The following DHRSX variants were observed in gnomAD, a reference collection of about 807,000 sequenced individuals.
DHRSX encodes the protein polyprenol dehydrogenase.
Under a neutral mutation model 34.0 loss-of-function variants are expected in DHRSX, and 31 were observed. The ratio of observed to expected loss-of-function variants is 0.91; its 90% confidence interval spans 0.69 to 1.23. The LOEUF (loss-of-function observed/expected upper bound fraction) is 1.23. Ranked by LOEUF, DHRSX falls within the 50% of genes most tolerant of loss-of-function variation. DHRSX has a pLI of 0.00. For synonymous variants in DHRSX, 201 were observed against 183.8 expected, an observed-to-expected ratio of 1.09 and a Z score of -0.76; for missense variants, 414 against 428.1, an observed-to-expected ratio of 0.97 and a Z score of 0.29.
rs756753896 is a variant in DHRSX at position 2,225,104 on chromosome X, TCA to T, written c.805-3877_805-3876del. Among the ~76,000 whole-genome samples the T allele has an allele frequency of 5.0e-4, 72 of 144,786 alleles. No homozygotes were observed. The South Asian group carries it at 0.011, about 23-fold the overall frequency. The allele number at this position is 144,786 out of a possible 152,430, so 95.0% of individuals were successfully genotyped here. ...GCTCACTCATTCACATGCACACAGC[TCA>T]CACACATGCACACACTCATTCACAT... On this transcript the variant is annotated intron_variant, in intron 6 of 6. Transcript: ENST00000334651.
At chrX:2,309,365 G>A (rs1044075448) in intron 3 of DHRSX, among the ~76,000 whole-genome samples, 1 of 152,066 alleles carries the variant, frequency 6.6e-6, no homozygotes, top group African/African-American at 2.4e-5. Context: ...AATTTGCTAG[G>A]AGGGCAGGAA....
At chrX:2,328,827 A>G (rs2042421555) in intron 3 of DHRSX, among the ~76,000 whole-genome samples, 1 of 152,090 alleles carries the variant, frequency 6.6e-6, no homozygotes, top group Admixed American at 6.6e-5. Context: ...GTTGCAGAGT[A>G]CCCCAGCATC....
At chrX:2,382,318 T>C (rs770383334) in intron 3 of DHRSX, among the ~76,000 whole-genome samples, 1 of 152,176 alleles carries the variant, frequency 6.6e-6, no homozygotes, top group East Asian at 1.9e-4. Context: ...AAGGAGGACA[T>C]GCAAGCCACA....
chrX:2,263,943 G>T (rs950649454), intron 5 of DHRSX, among the ~76,000 whole-genome samples: 3 of 152,226 alleles, frequency 2.0e-5, no homozygotes, highest in African/African-American at 7.2e-5. Context: ...AGTACATTGC[G>T]TGTCGACAGG....
intron 1 of DHRSX, chrX:2,490,834 CG>C: frequency 7.0e-7 from 1 of 1,436,438 alleles, no homozygotes. Flanking sequence ...GGAGCCCTGC[CG>C]GGGAGACAGA....
At chrX:2,316,339 C>G (rs67470494) in intron 3 of DHRSX, among the ~76,000 whole-genome samples, 30,766 of 151,990 alleles carry the variant, frequency 0.2, 3,373 homozygotes, top group Admixed American at 0.25. Context: ...ATCACCTGAG[C>G]TCAGGAGTTC....
intron 3 of DHRSX, among the ~76,000 whole-genome samples, chrX:2,316,894 C>T (rs1326227086): frequency 3.3e-5 from 5 of 152,160 alleles, no homozygotes; most frequent in Admixed American, 6.6e-5. Flanking sequence ...AATTTTGCCA[C>T]GGTTGAGAAT....
intron 3 of DHRSX, among the ~76,000 whole-genome samples, chrX:2,388,355 G>T (rs746027926): frequency 7.9e-5 from 12 of 152,222 alleles, no homozygotes; most frequent in African/African-American, 2.9e-4. Flanking sequence ...CTTTAAAGAG[G>T]CAATTAAGGT....
chrX:2,343,372 C>T (rs2042663662), intron 3 of DHRSX, among the ~76,000 whole-genome samples: 1 of 152,068 alleles, frequency 6.6e-6, no homozygotes, highest in African/African-American at 2.4e-5. Context: ...GCACGCTTGA[C>T]ATAAGTGACT....
chrX:2,409,178 C>T (rs1294204966), intron 2 of DHRSX, among the ~76,000 whole-genome samples: 3 of 152,156 alleles, frequency 2.0e-5, no homozygotes, highest in Non-Finnish European at 4.4e-5. Flanking sequence ...TTCGAAGGAG[C>T]TTTTATGCTG....
chrX:2,282,637 AG>A (rs2041726345), intron 4 of DHRSX, among the ~76,000 whole-genome samples: 1 of 93,830 alleles, frequency 1.1e-5, no homozygotes, highest in Non-Finnish European at 2.6e-5. Flanking sequence ...AAGAAGGGAA[AG>A]GGAGGGAGAG....
intron 3 of DHRSX, among the ~76,000 whole-genome samples, chrX:2,389,964 A>G (rs1470642424): frequency 5.9e-5 from 9 of 151,558 alleles, no homozygotes; most frequent in Non-Finnish European, 1.3e-4. Context: ...TATTTTTAGT[A>G]GAGAAGGGGT....
At chrX:2,489,055 T>C (rs2045041519) in intron 1 of DHRSX, 6 of 1,613,864 alleles carry the variant, frequency 3.7e-6, no homozygotes, top group South Asian at 1.1e-5. Flanking sequence ...CCACGCCGCC[T>C]GTCTGGCAGA....
intron 2 of DHRSX, among the ~76,000 whole-genome samples, chrX:2,409,104 G>T (rs1458606784): frequency 3.3e-5 from 5 of 152,158 alleles, no homozygotes; most frequent in African/African-American, 1.2e-4. Context: ...TAATTTGCAC[G>T]TGAGAGCTGA....
At chrX:2,467,077 A>AC (rs35637328) in intron 1 of DHRSX, among the ~76,000 whole-genome samples, 30,492 of 149,840 alleles carry the variant, frequency 0.2, 3,946 homozygotes, top group African/African-American at 0.36. Flanking sequence ...AAAAAAAAAA[A>AC]AAAAACGCTA....
intron 3 of DHRSX, among the ~76,000 whole-genome samples, chrX:2,311,439 C>A (rs1165742968): frequency 6.6e-6 from 1 of 152,124 alleles, no homozygotes; most frequent in Non-Finnish European, 1.5e-5. Context: ...TCAGAAACCA[C>A]CTTCAGGATA....
At chrX:2,465,305 C>T (rs904272670) in intron 1 of DHRSX, among the ~76,000 whole-genome samples, 2 of 152,112 alleles carry the variant, frequency 1.3e-5, no homozygotes, top group East Asian at 1.9e-4. Flanking sequence ...GAAAGAATGG[C>T]GTGTTGTAAC....
chrX:2,275,397 T>C (rs2041613741), intron 4 of DHRSX, among the ~76,000 whole-genome samples: 1 of 151,234 alleles, frequency 6.6e-6, no homozygotes, highest in African/African-American at 2.4e-5. Context: ...TAATTTCAGC[T>C]GCTTGGGAGG....
chrX:2,299,658 C>A (rs1439756169), intron 3 of DHRSX, among the ~76,000 whole-genome samples: 12 of 152,008 alleles, frequency 7.9e-5, no homozygotes, highest in Admixed American at 7.9e-4. Flanking sequence ...AGTTCGAGAC[C>A]AGCCTGGCCA....
Sources: allele counts gnomAD v4.1 joint callset (sites outside exome capture counted in the v4.1 genomes callset), GRCh38; gene constraint gnomAD v4.1.1; transcripts MANE v1.5; gene names NCBI Gene and HGNC (gene_info 2026-07-23, HGNC 2026-07-21).